The following DNAH10 variants were observed in gnomAD, a reference collection of about 807,000 sequenced individuals.
DNAH10 encodes axonemal beta dynein heavy chain 10.
In DNAH10, 348 loss-of-function variants were observed where a neutral mutation model predicts 506.6. The ratio of observed to expected loss-of-function variants is 0.69; its 90% CI spans 0.63 to 0.75. The LOEUF is 0.75. Ranked by LOEUF, DNAH10 falls within the 30% of genes least tolerant of loss-of-function variation. The pLI is 0.00. For missense variants in DNAH10, 5,179 were observed against 5,787.1 expected (o/e 0.89, Z 3.41); for synonymous variants, 2,059 against 2,198.6 (o/e 0.94, Z 1.78).
At chr12:123,829,464 T>C (rs2136485343) in intron 25 of DNAH10, among the ~76,000 whole-genome samples, 1 of 152,292 alleles carries the variant, frequency 6.6e-6, no homozygotes, top group South Asian at 2.1e-4. Flanking sequence ...CATCGTGGCC[T>C]GTGAATGTTA....
At chr12:123,875,186 C>G (rs778269107) in intron 46 of DNAH10, 45 bp from the exon 47 acceptor site, 7 of 1,559,728 alleles carry the variant, frequency 4.5e-6, no homozygotes, top group Non-Finnish European at 6.1e-6. Flanking sequence ...CTGACTCCTA[C>G]TTTGCGATAC....
intron 35 of DNAH10, among the ~76,000 whole-genome samples, chr12:123,852,723 G>A (rs540625170): frequency 1.4e-3 from 220 of 152,160 alleles, no homozygotes; most frequent in African/African-American, 4.9e-3. Flanking sequence ...ATAGGCATGC[G>A]CCACCACGCC....
At chr12:123,934,444 C>A in intron 77 of DNAH10, 177 bp from the exon 78 acceptor site, 1 of 804,764 alleles carries the variant, frequency 1.2e-6, no homozygotes, top group Non-Finnish European at 2.1e-6. Context: ...GGCTGCTCCT[C>A]CACAGAGGGA....
chr12:123,807,640 C>T (rs895930795), intron 18 of DNAH10, among the ~76,000 whole-genome samples: 1 of 151,398 alleles, frequency 6.6e-6, no homozygotes, highest in African/African-American at 2.4e-5. Context: ...AGGGGTGGAT[C>T]AGGTCACAGG....
rs1258622850 is a variant in DNAH10 at position 123,864,740 on chromosome 12, G to A, written c.7044+10G>A. On this transcript the variant is annotated intron_variant, in intron 40 of 78. Coordinates refer to ENST00000673944, the MANE Select transcript of DNAH10 (RefSeq NM_001372106.1). Reference sequence around the variant, plus strand: ...TGCCCTGCTCTTTGAGGCAAGTAGTGATTAAAAGTAAATTTGAACATAAAT... The same window carrying A: ...TGCCCTGCTCTTTGAGGCAAGTAGTAATTAAAAGTAAATTTGAACATAAAT... 2.5e-6 allele frequency: 4 copies of A among 1,591,832 alleles called. No individual in the cohort carries two copies. Among genetic ancestry groups the A allele is most frequent in the Admixed American group, 3.7e-5 (2 of 54,248 alleles).
At chr12:123,875,941 A>T (rs1173530272) in intron 47 of DNAH10, among the ~76,000 whole-genome samples, 4 of 152,130 alleles carry the variant, frequency 2.6e-5, no homozygotes, top group Non-Finnish European at 5.9e-5. Flanking sequence ...ATGAAAGGAG[A>T]GAAATGCGTG....
intron 6 of DNAH10, among the ~76,000 whole-genome samples, chr12:123,782,091 A>G (rs969646771): frequency 2.0e-5 from 3 of 151,616 alleles, no homozygotes; most frequent in Admixed American, 6.6e-5. Context: ...TTTCTCTTGT[A>G]TTTTTCATCT....
chr12:123,771,549 A>G, intron 2 of DNAH10, 52 bp from the exon 3 acceptor site: 7 of 1,510,162 alleles, frequency 4.6e-6, no homozygotes, highest in South Asian at 1.2e-5. Flanking sequence ...TCTTGATGGT[A>G]GGAAACCTAA....
At position 123,915,005 on chromosome 12, in the gene DNAH10, G is replaced by C; in HGVS notation, c.10722+6G>C. ...AGGAGAAGAACAATCTGCGGGTATG[G>C]TGGCTCCTCCCAGGGCGTCTTCTGC... On this transcript the variant is annotated splice_donor_region_variant and intron_variant, in intron 62 of 78. Coordinates refer to ENST00000673944, the MANE Select transcript of DNAH10 (RefSeq NM_001372106.1). The C allele has an allele frequency of 1.9e-6, 3 of 1,601,008 alleles. No individual in the cohort carries two copies. The highest frequency in any genetic ancestry group is 2.7e-5 in the African/African-American group (2 of 74,544).
chr12:123,889,340 G>A (rs1952875350), intron 52 of DNAH10, among the ~76,000 whole-genome samples: 1 of 152,236 alleles, frequency 6.6e-6, no homozygotes, highest in Non-Finnish European at 1.5e-5. Flanking sequence ...GCTGCATTTT[G>A]ATCATTGCGT....
chr12:123,926,413 T>G lies in DNAH10; in HGVS notation c.11922-224T>G. ...CTCAGCACAAACCAACTGAATCGAGTGTGAGGGGGTACAGAGAAGTCCCTG... is the reference window on the plus strand; with the variant it reads ...CTCAGCACAAACCAACTGAATCGAGGGTGAGGGGGTACAGAGAAGTCCCTG... On this transcript the variant is annotated intron_variant, in intron 68 of 78. Coordinates refer to ENST00000673944, the MANE Select transcript of DNAH10 (RefSeq NM_001372106.1). This position sits in a 1 kb window ranked among gnomAD's most constrained non-coding sequence, Gnocchi z 4.1. 2.0e-6 allele frequency: 1 copy of G among 508,552 alleles called. No individual in the cohort carries two copies. The highest frequency in any genetic ancestry group is 2.0e-5 in the African/African-American group (1 of 50,370). 31.5% of individuals were successfully genotyped at this position (508,552 alleles called of 1,614,324 possible).
chr12:123,894,764 C>T (rs944475688), intron 54 of DNAH10, 41 bp downstream of exon 54: 1 of 1,542,554 alleles, frequency 6.5e-7, no homozygotes, highest in African/African-American at 1.4e-5. Flanking sequence ...ATTGATAAAA[C>T]AAAGCAATTT....
Position 123,875,540 on chromosome 12 carries a change from G to A in DNAH10, c.8199+49G>A, listed in dbSNP as rs779882836. 2.5e-5 allele frequency: 40 copies of A among 1,606,124 alleles called. 1 individual carries two copies. The South Asian group carries it at 4.1e-4, about 16-fold the overall frequency. On this transcript the variant is annotated intron_variant, in intron 47 of 78. Coordinates refer to ENST00000673944, the MANE Select transcript of DNAH10 (RefSeq NM_001372106.1). ...CTAAACCGGAAGACCTTGTGTTGGG[G>A]GGAAACATACACAGGGCTGACTTAT...
chr12:123,774,082 C>A, intron 4 of DNAH10, 67 bp from the exon 5 acceptor site: 1 of 1,018,822 alleles, frequency 9.8e-7, no homozygotes, highest in Non-Finnish European at 1.5e-6. Context: ...TTCCTGTTCT[C>A]TTGGAAATGT....
rs750111365 is a variant in DNAH10, at chr12:123,935,511, T to A, written c.*30T>A. On this transcript the variant is annotated 3_prime_UTR_variant, in exon 79 of 79. Transcript: ENST00000673944. ...TGGGTGAAGAAAACTGCTTAATGAA[T>A]TCGGAGCCTGGGGTTGTCAGAGTGA... 6 of 1,552,154 alleles carry A rather than the reference T, an allele frequency of 3.9e-6. No homozygotes were observed. The highest frequency in any genetic ancestry group is 5.3e-6 in the Non-Finnish European group (6 of 1,138,186).
intron 2 of DNAH10, among the ~76,000 whole-genome samples, chr12:123,768,426 T>A (rs558551518): frequency 1.3e-5 from 2 of 152,140 alleles, no homozygotes; most frequent in Admixed American, 1.3e-4. Flanking sequence ...TGAGCCACCA[T>A]ACCCGGCCGT....
At chr12:123,812,926 A>G (rs77527454) in intron 19 of DNAH10, among the ~76,000 whole-genome samples, 4,288 of 152,260 alleles carry the variant, frequency 0.028, 204 homozygotes, top group African/African-American at 0.098. Flanking sequence ...GCATAATACC[A>G]TGTCCGCCCC....
intron 34 of DNAH10, among the ~76,000 whole-genome samples, chr12:123,849,536 C>T (rs1951080553): frequency 6.6e-6 from 1 of 152,154 alleles, no homozygotes; most frequent in South Asian, 2.1e-4. Context: ...CGTGGGTGGG[C>T]CATTTCCCTA....
chr12:123,894,797 A>AT, intron 54 of DNAH10, 74 bp downstream of exon 54: 1 of 1,345,586 alleles, frequency 7.4e-7, no homozygotes, highest in Non-Finnish European at 1.1e-6. Flanking sequence ...CTGACTTTGA[A>AT]TTCTGGTCTT....
Sources: gnomAD v4.1 joint callset for allele counts (sites outside exome capture counted in the v4.1 genomes callset) on GRCh38, gnomAD v4.1.1 for gene constraint, Gnocchi (gnomAD v3.1) non-coding constraint, MANE v1.5 for transcripts, NCBI Gene and HGNC (gene_info 2026-07-23, HGNC 2026-07-21) for gene names.